Variants in FAT3 observed in about 807,000 individuals in gnomAD.
FAT3 encodes the protein FAT atypical cadherin 3, also known as protocadherin Fat 3.
A neutral mutation model predicts 310.2 loss-of-function variants in FAT3; 95 were observed. The observed-to-expected ratio is 0.31, with a 90% CI of 0.26 to 0.36. The LOEUF is 0.36. Among genes scored for constraint, FAT3 ranks in the 10% least tolerant of loss-of-function variants. The pLI, the probability that FAT3 is intolerant of heterozygous loss-of-function variation, is 1.00. For synonymous variants in FAT3, 2,314 were observed against 2,192.9 expected, an observed-to-expected ratio of 1.06 and a Z score of -1.54; for missense variants, 5,408 against 5,715.6, an observed-to-expected ratio of 0.95 and a Z score of 1.74.
At chr11:92,577,471 C>T (rs1319448942) in intron 3 of FAT3, among the ~76,000 whole-genome samples, 1 of 151,746 alleles carries the variant, frequency 6.6e-6, no homozygotes, top group African/African-American at 2.4e-5. Flanking sequence ...TTATGGGGTA[C>T]AATATGATGT....
Position 92,351,436 on chromosome 11 carries a change from G to T in FAT3, c.-17-660G>T, listed in dbSNP as rs1948563122. ...ATATGCCACCAAATCCCAAAACACA[G>T]TTAATCCTTTTTAAATATAAAAATT... is the stretch of plus-strand genomic sequence containing the variant. On this transcript the variant is annotated intron_variant, in intron 1 of 27. Coordinates refer to ENST00000525166, the MANE Select transcript of FAT3 (RefSeq NM_001367949.2). Among the ~76,000 whole-genome samples, 6 of 152,176 alleles carry T rather than the reference G, an allele frequency of 3.9e-5. No individual in the cohort carries two copies. The South Asian group carries it at 1.2e-3, about 32-fold the overall frequency.
At chr11:92,339,878 C>T (rs1287413803) in intron 1 of FAT3, among the ~76,000 whole-genome samples, 1 of 152,054 alleles carries the variant, frequency 6.6e-6, no homozygotes, top group Non-Finnish European at 1.5e-5. Context: ...CTTTGGGAGG[C>T]CAAGATGGGC....
chr11:92,598,944 C>T (rs1296841403), intron 3 of FAT3, among the ~76,000 whole-genome samples: 1 of 152,162 alleles, frequency 6.6e-6, no homozygotes, highest in Admixed American at 6.5e-5. Flanking sequence ...ATGTCAGCTC[C>T]TCTCATAATC....
chr11:92,516,626 A>G (rs1953495029), intron 2 of FAT3, among the ~76,000 whole-genome samples: 1 of 152,152 alleles, frequency 6.6e-6, no homozygotes. Flanking sequence ...ATAGTATTGG[A>G]AGTTCTGGCC....
chr11:92,739,929 G>A (rs1240480767), intron 4 of FAT3, among the ~76,000 whole-genome samples: 2 of 152,114 alleles, frequency 1.3e-5, no homozygotes, highest in Admixed American at 6.5e-5. Flanking sequence ...GAAATCTCAG[G>A]ACCTTTCACA....
At chr11:92,287,852 A>G (rs1946596982) in intron 1 of FAT3, among the ~76,000 whole-genome samples, 1 of 152,104 alleles carries the variant, frequency 6.6e-6, no homozygotes, top group South Asian at 2.1e-4. Context: ...GCTGCTGTGA[A>G]ATGATCACAT....
chr11:92,319,592 G>A (rs1383673598), intron 1 of FAT3, among the ~76,000 whole-genome samples: 1 of 152,166 alleles, frequency 6.6e-6, no homozygotes, highest in Admixed American at 6.5e-5. Context: ...TGTGCAAAGT[G>A]TTGCTGATAG....
At chr11:92,516,025 T>A (rs1279064590) in intron 2 of FAT3, among the ~76,000 whole-genome samples, 1 of 151,918 alleles carries the variant, frequency 6.6e-6, no homozygotes, top group Non-Finnish European at 1.5e-5. Context: ...AAGCCCAGGA[T>A]CAGACAGATT....
Position 92,352,838 on chromosome 11 carries a change from G to C in FAT3, c.726G>C (p.Gly242=). The C allele has an allele frequency of 6.2e-7, 1 of 1,613,884 alleles. No individual in the cohort carries two copies. Among genetic ancestry groups the C allele is most frequent in the Non-Finnish European group, 8.5e-7 (1 of 1,179,872 alleles). Residue 242 remains glycine, a synonymous_variant, in exon 2 of 28, where the codon GGG becomes GGC. Coordinates refer to ENST00000525166, the MANE Select transcript of FAT3 (RefSeq NM_001367949.2). ...TGGACCGGGGAATGAAACTGTATGG[G>C]AACAATGGAGTGAGCAGTACTGCAA... The part of the protein sequence containing the change: ...LAVDRGMKLY[G]NNGVSSTAKL...
intron 4 of FAT3, among the ~76,000 whole-genome samples, chr11:92,722,448 T>C (rs972898507): frequency 6.6e-6 from 1 of 152,194 alleles, no homozygotes; most frequent in Non-Finnish European, 1.5e-5. Context: ...TCCAAGCTGC[T>C]TTTATGGGCT....
intron 4 of FAT3, among the ~76,000 whole-genome samples, chr11:92,705,937 G>GGT (rs751586492): frequency 8.1e-6 from 1 of 124,210 alleles, no homozygotes; most frequent in Non-Finnish European, 1.8e-5. Context: ...GTGTGATGGT[G>GGT]GTGATTGTGG....
At chr11:92,515,082 G>C (rs1953433943) in intron 2 of FAT3, among the ~76,000 whole-genome samples, 1 of 152,044 alleles carries the variant, frequency 6.6e-6, no homozygotes, top group Non-Finnish European at 1.5e-5. Flanking sequence ...TCGCTTCATT[G>C]ATATAAACTA....
chr11:92,615,881 A>G (rs1457405420), intron 3 of FAT3, among the ~76,000 whole-genome samples: 1 of 152,148 alleles, frequency 6.6e-6, no homozygotes, highest in Non-Finnish European at 1.5e-5. Context: ...TTTGCTGAGG[A>G]GTGCTTTACT....
At chr11:92,810,134 G>T in intron 13 of FAT3, 58 bp downstream of exon 13, 1 of 1,485,930 alleles carries the variant, frequency 6.7e-7, no homozygotes, top group Non-Finnish European at 9.3e-7. Flanking sequence ...TTCAGGTGCT[G>T]CCATTCCTTT....
At chr11:92,652,184 A>G (rs964385396) in intron 3 of FAT3, among the ~76,000 whole-genome samples, 1 of 150,090 alleles carries the variant, frequency 6.7e-6, no homozygotes, top group Non-Finnish European at 1.5e-5. Flanking sequence ...ACCAGGGCTG[A>G]CTCCAAAGCC....
intron 21 of FAT3, 87 bp downstream of exon 21, chr11:92,859,409 G>C: frequency 1.5e-6 from 2 of 1,337,042 alleles, no homozygotes; most frequent in Non-Finnish European, 9.9e-7. Flanking sequence ...AAATCATTTT[G>C]TCTTTTAAGT....
intron 4 of FAT3, among the ~76,000 whole-genome samples, chr11:92,744,992 G>A (rs1945615673): frequency 6.6e-6 from 1 of 152,166 alleles, no homozygotes; most frequent in African/African-American, 2.4e-5. Flanking sequence ...AGTAATTAGA[G>A]CCGTGTCCTT....
chr11:92,798,550 A>G lies in FAT3; in HGVS notation c.5537A>G (p.His1846Arg). 2 of 1,613,638 alleles carry G rather than the reference A, an allele frequency of 1.2e-6. No individual in the cohort carries two copies. Among genetic ancestry groups the G allele is most frequent in the Non-Finnish European group, 1.7e-6 (2 of 1,179,686 alleles). ...AACCTGGACCATGAAACCATTGCCC[A>G]TTTCCATTTTCATGTGCATGTGAGA... Reference protein sequence around the residue: ...IANLDHETIAHFHFHVHVRDS... With the variant: ...IANLDHETIARFHFHVHVRDS... Residue 1846 changes from histidine to arginine, a missense_variant, in exon 10 of 28, where the codon CAT becomes CGT. Around this residue, in one of 5 missense-constraint regions of FAT3, gnomAD observed 4,588 missense variants for 4,809.8 expected, o/e 0.95. Coordinates refer to ENST00000525166, the MANE Select transcript of FAT3 (RefSeq NM_001367949.2).
intron 3 of FAT3, among the ~76,000 whole-genome samples, chr11:92,612,618 G>A (rs1022226646): frequency 7.2e-5 from 11 of 152,198 alleles, no homozygotes; most frequent in African/African-American, 2.7e-4. Flanking sequence ...AAATGATGGT[G>A]TTCTCTCTGC....
Sources: gnomAD v4.1 joint callset for allele counts (sites outside exome capture counted in the v4.1 genomes callset) on GRCh38, gnomAD v4.1.1 for gene constraint, gnomAD v4.1.1 regional missense constraint, MANE v1.5 for transcripts, NCBI Gene and HGNC (gene_info 2026-07-23, HGNC 2026-07-21) for gene names.